Variants in AP3B2 observed in about 807,000 individuals in gnomAD.
AP3B2 encodes the protein adaptor related protein complex 3 subunit beta 2, also known as AP-3 complex subunit beta-2.
Under a neutral mutation model 126.9 loss-of-function variants are expected in AP3B2, and 50 were observed. The ratio of observed to expected loss-of-function variants is 0.39; its 90% CI spans 0.31 to 0.50. AP3B2 has a LOEUF of 0.50. AP3B2 is among the 20% of genes least tolerant of loss of function. AP3B2 has a pLI of 0.79. For synonymous variants in AP3B2, 541 were observed against 565.0 expected, an observed-to-expected ratio of 0.96 and a Z score of 0.60; for missense variants, 1,177 against 1,426.4, an observed-to-expected ratio of 0.83 and a Z score of 2.82.
rs903010211 is a variant in AP3B2, at chr15:82,665,862, G to C, written c.1853-287C>G. 1.3e-5 allele frequency among the ~76,000 whole-genome samples: 2 copies of C among 152,214 alleles called. No homozygotes were observed. Among genetic ancestry groups the C allele is most frequent in the Non-Finnish European group, 1.5e-5 (1 of 68,036 alleles). ...CTGGGCCCACAGATGCTGCCGACCT[G>C]TCTGCTCAGCATGCACGTCTAGTCA... On this transcript the variant is annotated intron_variant, in intron 15 of 26. Coordinates refer to ENST00000535359, the MANE Select transcript of AP3B2 (RefSeq NM_001278512.2). The surrounding 1 kb of genome is among the most constrained non-coding windows in gnomAD (Gnocchi z 4.4).
chr15:82,695,267 T>A (rs936977470), intron 1 of AP3B2, among the ~76,000 whole-genome samples: 6 of 151,846 alleles, frequency 4.0e-5, no homozygotes, highest in Non-Finnish European at 7.4e-5. Context: ...ACCTGGCAAA[T>A]TTTTGTATTT....
intron 3 of AP3B2, 137 bp downstream of exon 3, chr15:82,689,021 A>T: frequency 9.2e-7 from 1 of 1,087,800 alleles, no homozygotes. Context: ...ACATGGAGAC[A>T]GTGTCTTCTC....
chr15:82,690,402 C>A (rs1307738887), intron 1 of AP3B2, among the ~76,000 whole-genome samples: 1 of 151,968 alleles, frequency 6.6e-6, no homozygotes, highest in Non-Finnish European at 1.5e-5. Context: ...ATCCCTCCCT[C>A]CTCCCCCAAC....
At chr15:82,670,214 A>G (rs1323962738) in intron 14 of AP3B2, among the ~76,000 whole-genome samples, 36 of 148,050 alleles carry the variant, frequency 2.4e-4, no homozygotes, top group South Asian at 6.5e-4. Flanking sequence ...GGTTCAAGCA[A>G]TTCTCCTGCC....
intron 4 of AP3B2, chr15:82,687,653 A>G (rs2048452517): frequency 6.6e-6 from 1 of 152,272 alleles, no homozygotes; most frequent in Admixed American, 6.5e-5. Flanking sequence ...CTCTCACCCC[A>G]AAGAAGCCGA....
chr15:82,691,217 C>G lies in AP3B2; in HGVS notation c.114-1764G>C, dbSNP rs2048525962. Among the ~76,000 whole-genome samples the G allele has an allele frequency of 2.0e-5, 3 of 152,196 alleles. 1 individual carries two copies. Among genetic ancestry groups the G allele is most frequent in the Admixed American group, 2.0e-4 (3 of 15,278 alleles). ...TCCACAATGGGTGAACTAGTTTACA[C>G]TCCCACCAACAGTGTAAAAATGTTT... On this transcript the variant is annotated intron_variant, in intron 1 of 26. Transcript: ENST00000535359.
chr15:82,679,267 G>A (rs1433524197), intron 10 of AP3B2, among the ~76,000 whole-genome samples: 7 of 152,152 alleles, frequency 4.6e-5, no homozygotes, highest in Admixed American at 4.6e-4. Context: ...GGGATTACAG[G>A]CACCTGCCAC....
intron 4 of AP3B2, chr15:82,685,288 G>C (rs2048407708): frequency 1.3e-5 from 2 of 152,196 alleles, no homozygotes; most frequent in South Asian, 4.1e-4. Context: ...TGATAGACTT[G>C]ATTGATGTAG....
intron 14 of AP3B2, among the ~76,000 whole-genome samples, chr15:82,667,317 TCA>T (rs1021295341): frequency 1.3e-5 from 2 of 152,198 alleles, no homozygotes; most frequent in African/African-American, 2.4e-5. Flanking sequence ...CTGCTGGACC[TCA>T]CAGTTTCCAG....
chr15:82,660,385 C>T (rs1424118318), intron 25 of AP3B2, among the ~76,000 whole-genome samples: 2 of 152,198 alleles, frequency 1.3e-5, no homozygotes, highest in Non-Finnish European at 2.9e-5. Flanking sequence ...CTCCTGGAAG[C>T]TAAGCCCTCA....
intron 1 of AP3B2, among the ~76,000 whole-genome samples, chr15:82,707,564 T>C (rs1373608803): frequency 6.6e-6 from 1 of 152,218 alleles, no homozygotes; most frequent in Non-Finnish European, 1.5e-5. Context: ...CCATTACAGC[T>C]GATATCTCCT....
intron 14 of AP3B2, among the ~76,000 whole-genome samples, chr15:82,670,069 C>CAAA (rs779045948): frequency 6.6e-4 from 24 of 36,396 alleles, no homozygotes; most frequent in African/African-American, 1.6e-3. Flanking sequence ...ACTCCGTCTC[C>CAAA]AAAAAAAAAA....
Position 82,680,965 on chromosome 15 carries a change from C to G in AP3B2, c.643G>C (p.Asp215His). ...AFEEVCPERI[D>H]LIHKNYRKLC... ...TTCCGGTAGTTTTTGTGAATCAGGT[C>G]GATGCGCTCCGGGCAGACCTCCTCA... Residue 215 changes from aspartate (D) to histidine (H), a missense_variant, in exon 7 of 27, where the codon GAC (aspartate) becomes CAC (histidine). Physicochemically the swap from Asp to His is moderately conservative, Grantham distance 81. This residue lies in a region of AP3B2 where 130 missense variants were observed against 262.0 expected (regional missense o/e 0.50). Transcript: ENST00000535359. The surrounding 1 kb of genome is among the most constrained non-coding windows in gnomAD (Gnocchi z 6.1). 4 of 1,613,880 alleles carry G rather than the reference C, an allele frequency of 2.5e-6. No homozygotes were observed. The highest frequency in any genetic ancestry group is 2.5e-6 in the Non-Finnish European group (3 of 1,179,868).
rs1485835145 is a variant in AP3B2 at position 82,700,123 on chromosome 15, C to T, written c.113+9471G>A. ...GGAGTTGATAGAGAGGTGAGAGATGCCCTCTTCAGCTCCAATCCCACTGCC... is the reference window on the plus strand; with the variant it reads ...GGAGTTGATAGAGAGGTGAGAGATGTCCTCTTCAGCTCCAATCCCACTGCC... On this transcript the variant is annotated intron_variant, in intron 1 of 26. Coordinates refer to ENST00000535359, the MANE Select transcript of AP3B2 (RefSeq NM_001278512.2). Among the ~76,000 whole-genome samples, 3 of 152,218 alleles carry T rather than the reference C, an allele frequency of 2.0e-5. No homozygotes were observed. The East Asian group carries it at 5.8e-4, about 30-fold the overall frequency.
chr15:82,671,754 T>A (rs957756809), intron 14 of AP3B2, among the ~76,000 whole-genome samples: 7 of 131,272 alleles, frequency 5.3e-5, no homozygotes, highest in African/African-American at 1.9e-4. Flanking sequence ...AAAAAAACAC[T>A]ACAAATAGGC....
intron 25 of AP3B2, among the ~76,000 whole-genome samples, chr15:82,660,240 T>C (rs1378689357): frequency 1.3e-5 from 2 of 152,138 alleles, no homozygotes; most frequent in African/African-American, 4.8e-5. Context: ...GATTTGGCGC[T>C]TCCTCCATCA....
At chr15:82,703,691 G>A (rs953826377) in intron 1 of AP3B2, among the ~76,000 whole-genome samples, 2 of 152,096 alleles carry the variant, frequency 1.3e-5, no homozygotes, top group African/African-American at 4.8e-5. Flanking sequence ...AGTCTGAGGT[G>A]CCTGATGTCC....
At chr15:82,689,597 C>G in intron 1 of AP3B2, 144 bp from the exon 2 acceptor site, 1 of 681,870 alleles carries the variant, frequency 1.5e-6, no homozygotes, top group South Asian at 1.8e-5. Flanking sequence ...CCAGGGGGAA[C>G]AAGTAAAGTA....
intron 15 of AP3B2, 38 bp downstream of exon 15, chr15:82,666,709 A>G (rs761680108): frequency 1.3e-6 from 2 of 1,594,914 alleles, no homozygotes; most frequent in Admixed American, 1.7e-5. Context: ...GTTCCTTTCC[A>G]TTCCCCTAGG....
Sources: gnomAD v4.1 joint callset for allele counts (sites outside exome capture counted in the v4.1 genomes callset) on GRCh38, gnomAD v4.1.1 for gene constraint, gnomAD v4.1.1 regional missense constraint, Gnocchi (gnomAD v3.1) non-coding constraint, MANE v1.5 for transcripts, NCBI Gene and HGNC (gene_info 2026-07-23, HGNC 2026-07-21) for gene names.